The following S100A7A variants were observed in gnomAD, a reference collection of about 807,000 sequenced individuals.
S100A7A encodes the protein S100 calcium binding protein A7A.
In S100A7A, 5 loss-of-function variants were observed where a neutral mutation model predicts 4.0. That is an observed-to-expected ratio of 1.26 (90% CI 0.66 to 2.66). The LOEUF (loss-of-function observed/expected upper bound fraction) is 2.66. Among genes scored for constraint, S100A7A ranks in the 30% most tolerant of loss-of-function variants. The pLI is 0.01. For synonymous variants in S100A7A, 52 were observed against 46.4 expected, an observed-to-expected ratio of 1.12 and a Z score of -0.49; for missense variants, 159 against 125.1, an observed-to-expected ratio of 1.27 and a Z score of -1.29.
chr1:153,416,587 A>G (rs998608004), intron 1 of S100A7A, 24 bp downstream of exon 1: 8 of 472,082 alleles, frequency 1.7e-5, no homozygotes, highest in Admixed American at 4.9e-5. Context: ...GCCTCTTTGC[A>G]TTTTCTAGAA....
At position 153,422,616 on chromosome 1, in the gene S100A7A, C is replaced by CA; in HGVS notation, c.*3308dup. 1 of 746,676 alleles carries CA rather than the reference C, an allele frequency of 1.3e-6. No individual in the cohort carries two copies. Among genetic ancestry groups the CA allele is most frequent in the South Asian group, 6.1e-5 (1 of 16,420 alleles). The allele number at this position is 746,676 out of a possible 1,614,324, so 46.3% of individuals were successfully genotyped here. On this transcript the variant is annotated 3_prime_UTR_variant, in exon 3 of 3. Transcript: ENST00000368729. Reference sequence around the variant, plus strand: ...AACTTTTTTTTTTCAGGCGCAGTCTCACTCTGTCGCCCGGGCTGGAGTGCT... The same window carrying CA: ...AACTTTTTTTTTTCAGGCGCAGTCTCAACTCTGTCGCCCGGGCTGGAGTGCT...
At chr1:153,418,338 T>C in intron 2 of S100A7A, 115 bp downstream of exon 2, 2 of 1,393,460 alleles carry the variant, frequency 1.4e-6, no homozygotes, top group Non-Finnish European at 2.0e-6. Context: ...AGTTTCCCAT[T>C]TGCAAATAGG....
chr1:153,418,428 A>G (rs1176673428), intron 2 of S100A7A, among the ~76,000 whole-genome samples: 1 of 152,156 alleles, frequency 6.6e-6, no homozygotes, highest in African/African-American at 2.4e-5. Flanking sequence ...ATACAGATAT[A>G]AAGGAGGTTA....
In S100A7A at chr1:153,419,832, T is replaced by A; in HGVS notation, c.*523T>A. The A allele has an allele frequency of 6.5e-6, 1 of 154,826 alleles. No individual in the cohort carries two copies. Among genetic ancestry groups the A allele is most frequent in the Admixed American group, 6.4e-5 (1 of 15,614 alleles). The allele number at this position is 154,826 out of a possible 1,614,324, so 9.6% of individuals were successfully genotyped here. A position where few individuals can be genotyped will look rare whatever the true frequency, so the allele number is the denominator to read the frequency against. ...TTCAGGTTCAGCGCCCTTGGGGCTA[T>A]GAATGGGAGGCTCAGCAGTGCCCTG... On this transcript the variant is annotated 3_prime_UTR_variant, in exon 3 of 3. Coordinates refer to ENST00000368729, the MANE Select transcript of S100A7A (RefSeq NM_176823.4).
At chr1:153,417,846 C>A in intron 1 of S100A7A, 2 of 514,226 alleles carry the variant, frequency 3.9e-6, no homozygotes, top group Non-Finnish European at 6.8e-6. Flanking sequence ...TGCCATCCAC[C>A]TGCATCTCTT....
Position 153,421,557 on chromosome 1 carries a change from A to T in S100A7A, c.*2248A>T, listed in dbSNP as rs1662898152. ...GTAAACAGCAGTGTAAAATCCAAAA[A>T]CTTCCAGTCCTGGAGGCAGGTTGTG... On this transcript the variant is annotated 3_prime_UTR_variant, in exon 3 of 3. Coordinates refer to ENST00000368729, the MANE Select transcript of S100A7A (RefSeq NM_176823.4). 1 of 152,184 alleles carries T rather than the reference A, an allele frequency of 6.6e-6. No individual in the cohort carries two copies. The highest frequency in any genetic ancestry group is 1.5e-5 in the Non-Finnish European group (1 of 68,040). 9.4% of individuals were successfully genotyped at this position (152,184 alleles called of 1,614,324 possible). A position where few individuals can be genotyped will look rare whatever the true frequency, so the allele number is the denominator to read the frequency against.
Position 153,420,064 on chromosome 1 carries a change from T to A in S100A7A, c.*755T>A, listed in dbSNP as rs948905934. On this transcript the variant is annotated 3_prime_UTR_variant, in exon 3 of 3. Coordinates refer to ENST00000368729, the MANE Select transcript of S100A7A (RefSeq NM_176823.4). ...GAATATTCCAGATTTTGAGGAGCTC[T>A]AAGTGGTCCAGGAGTCCAAGTAAGC... 9 of 152,262 alleles carry A rather than the reference T, an allele frequency of 5.9e-5. No individual in the cohort carries two copies. The highest frequency in any genetic ancestry group is 4.6e-4 in the Admixed American group (7 of 15,300). 9.4% of individuals were successfully genotyped at this position (152,262 alleles called of 1,614,324 possible).
chr1:153,419,143 A>C lies in S100A7A; in HGVS notation c.142-2A>C. On this transcript the variant is annotated splice_acceptor_variant, in intron 2 of 2. Transcript: ENST00000368729. LOFTEE classifies it high-confidence loss of function. Reference sequence around the variant, plus strand: ...CTATTTTGTATGTTTTTCTCTTCACAGGACAAAAAGGGCATACATTACCTC... The same window carrying C: ...CTATTTTGTATGTTTTTCTCTTCACCGGACAAAAAGGGCATACATTACCTC... 1 of 1,612,338 alleles carries C rather than the reference A, an allele frequency of 6.2e-7. No homozygotes were observed. Among genetic ancestry groups the C allele is most frequent in the South Asian group, 1.1e-5 (1 of 90,674 alleles).
At chr1:153,418,997 T>C in intron 2 of S100A7A, 148 bp from the exon 3 acceptor site, 1 of 803,210 alleles carries the variant, frequency 1.2e-6, no homozygotes, top group Non-Finnish European at 2.0e-6. Flanking sequence ...CACCCCAACT[T>C]CACCCACTCA....
Position 153,422,503 on chromosome 1 carries a change from T to A in S100A7A, c.*3194T>A. Reference sequence around the variant, plus strand: ...AAAGAGAAAGAATACTTGACAGCTCTATGCCCACACTCACATTACAGCTGA... The same window carrying A: ...AAAGAGAAAGAATACTTGACAGCTCAATGCCCACACTCACATTACAGCTGA... On this transcript the variant is annotated 3_prime_UTR_variant, in exon 3 of 3. Transcript: ENST00000368729. 1.0e-6 allele frequency: 1 copy of A among 984,858 alleles called. No individual in the cohort carries two copies. Among genetic ancestry groups the A allele is most frequent in the South Asian group, 4.7e-5 (1 of 21,258 alleles). 61.0% of individuals were successfully genotyped at this position (984,858 alleles called of 1,614,324 possible).
In S100A7A at chr1:153,422,256, A is replaced by C. The variant is rs1229411472; in HGVS notation, c.*2947A>C. ...CCAGAGCTCCAGTCACCAGATAGAAAATTGATTTGATTTCATCCAATATTC... is the reference window on the plus strand; with the variant it reads ...CCAGAGCTCCAGTCACCAGATAGAACATTGATTTGATTTCATCCAATATTC... On this transcript the variant is annotated 3_prime_UTR_variant, in exon 3 of 3. Coordinates refer to ENST00000368729, the MANE Select transcript of S100A7A (RefSeq NM_176823.4). 6.5e-6 allele frequency: 1 copy of C among 152,750 alleles called. No homozygotes were observed. Among genetic ancestry groups the C allele is most frequent in the Non-Finnish European group, 1.5e-5 (1 of 68,514 alleles). The allele number at this position is 152,750 out of a possible 1,614,324, so 9.5% of individuals were successfully genotyped here.
intron 1 of S100A7A, 44 bp downstream of exon 1, chr1:153,416,607 GC>G: frequency 2.2e-6 from 1 of 444,892 alleles, no homozygotes. Flanking sequence ...AGTGCCCAGT[GC>G]CCAGCCTGCC....
At chr1:153,417,956 G>A in intron 1 of S100A7A, 110 bp from the exon 2 acceptor site, 1 of 1,360,696 alleles carries the variant, frequency 7.3e-7, no homozygotes, top group South Asian at 1.4e-5. Flanking sequence ...AGTTCCTTCT[G>A]CTCCATCTTA....
At position 153,418,150 on chromosome 1, in the gene S100A7A, G is replaced by C. The variant is rs55985140; in HGVS notation, c.68G>C (p.Arg23Pro). The change falls in exon 2 of 3, where the codon CGT becomes CCT. Residue 23 changes from arginine to proline, a missense_variant. Arg to Pro is a moderately radical substitution (Grantham distance 103, BLOSUM62 -2). Transcript: ENST00000368729. ...GACATGTTTCACAAATACACCGGAC[G>C]TGATGGCAAGATTGAGAAGCCAAGC... ...MIDMFHKYTG[R>P]DGKIEKPSLL... 12 of 1,614,040 alleles carry C rather than the reference G, an allele frequency of 7.4e-6. No individual in the cohort carries two copies. The East Asian group carries it at 2.5e-4, about 33-fold the overall frequency.
rs3014817 is a variant in S100A7A, at chr1:153,420,842, T to G, written c.*1533T>G. On this transcript the variant is annotated 3_prime_UTR_variant, in exon 3 of 3. Coordinates refer to ENST00000368729, the MANE Select transcript of S100A7A (RefSeq NM_176823.4). The stretch of plus-strand genomic sequence containing the variant: ...GCTGCCTTCTCTATGCAGCCTGCCC[T>G]CCATCATCCACCCCAGAATTGCTCT... 1 of 151,780 alleles carries G rather than the reference T, an allele frequency of 6.6e-6. No homozygotes were observed. The highest frequency in any genetic ancestry group is 2.1e-4 in the South Asian group (1 of 4,814). 9.4% of individuals were successfully genotyped at this position (151,780 alleles called of 1,614,324 possible).
chr1:153,418,202 C>G lies in S100A7A; in HGVS notation c.120C>G (p.Phe40Leu), dbSNP rs1487126894. 6.2e-7 allele frequency: 1 copy of G among 1,613,862 alleles called. No homozygotes were observed. The highest frequency in any genetic ancestry group is 8.5e-7 in the Non-Finnish European group (1 of 1,179,904). ...TGCTGACGATGATGAAGGAGAACTT[C>G]CCCAATTTCCTCAGTGCCTGTGTGA... ...PSLLTMMKEN[F>L]PNFLSACDKK... is the part of the protein sequence containing the mutation. Residue 40 changes from phenylalanine (F) to leucine (L), a missense_variant, in exon 2 of 3, where the codon TTC becomes TTG. Physicochemically the swap from Phe to Leu is conservative, Grantham distance 22 (BLOSUM62 0). Transcript: ENST00000368729.
rs1042728232 is a variant in S100A7A, at chr1:153,421,862, T to A, written c.*2553T>A. On this transcript the variant is annotated 3_prime_UTR_variant, in exon 3 of 3. Coordinates refer to ENST00000368729, the MANE Select transcript of S100A7A (RefSeq NM_176823.4). ...TGGCAATGGCACATAAAAATTAGGATGGAGTGTGTGGACAAATACTTCTTC... is the reference window on the plus strand; with the variant it reads ...TGGCAATGGCACATAAAAATTAGGAAGGAGTGTGTGGACAAATACTTCTTC... The A allele has an allele frequency of 1.1e-4, 16 of 152,204 alleles. No homozygotes were observed. The highest frequency in any genetic ancestry group is 2.7e-4 in the African/African-American group (11 of 41,454). 9.4% of individuals were successfully genotyped at this position (152,204 alleles called of 1,614,324 possible). A position where few individuals can be genotyped will look rare whatever the true frequency, so the allele number is the denominator to read the frequency against.
chr1:153,416,608 C>T, intron 1 of S100A7A, 45 bp downstream of exon 1: 1 of 444,804 alleles, frequency 2.2e-6, no homozygotes. Context: ...GTGCCCAGTG[C>T]CCAGCCTGCC....
chr1:153,418,296 T>A lies in S100A7A; in HGVS notation c.141+73T>A, dbSNP rs1571184626. The A allele has an allele frequency of 5.7e-6, 9 of 1,589,544 alleles. No homozygotes were observed. The East Asian group carries it at 2.0e-4, about 36-fold the overall frequency. On this transcript the variant is annotated intron_variant, in intron 2 of 2. Coordinates refer to ENST00000368729, the MANE Select transcript of S100A7A (RefSeq NM_176823.4). Reference sequence around the variant, plus strand: ...TGAGGATACATTTTGCTATGTGGCCTTGGACAGGTCACCCTCATCCTCTGA... The same window carrying A: ...TGAGGATACATTTTGCTATGTGGCCATGGACAGGTCACCCTCATCCTCTGA...
Sources: gnomAD v4.1 joint callset for allele counts (sites outside exome capture counted in the v4.1 genomes callset) on GRCh38, gnomAD v4.1.1 for gene constraint, MANE v1.5 for transcripts, NCBI Gene and HGNC (gene_info 2026-07-23, HGNC 2026-07-21) for gene names.